Variants in XKR6 observed in about 807,000 individuals in gnomAD.
XKR6 encodes XK related 6.
Under a neutral mutation model 56.7 loss-of-function variants are expected in XKR6, and 22 were observed. That is an observed-to-expected ratio of 0.39 (90% CI 0.28 to 0.55). XKR6 has a LOEUF of 0.55. XKR6 is among the 20% of genes least tolerant of loss of function. The probability of loss-of-function intolerance (pLI) is 0.66; values close to 1 mark genes in which losing one functional copy is unlikely to be tolerated. For missense variants in XKR6, 852 were observed against 889.0 expected (o/e 0.96, Z 0.53); for synonymous variants, 524 against 387.8 (o/e 1.35, Z -4.13).
In XKR6 at chr8:10,924,712, T is replaced by C. The variant is rs2129117213; in HGVS notation, c.883A>G (p.Thr295Ala). The part of the protein sequence containing the change: ...ADVNMLRLLE[T>A]FLESAPQLVL... ...AGTTGGGGCGCGCTCTCCAGGAAGG[T>C]CTCCAGGAGGCGCAGCATGTTGACG... is the stretch of plus-strand genomic sequence containing the variant. Residue 295 changes from threonine to alanine, a missense_variant, in exon 2 of 3, where the codon ACC (threonine) becomes GCC (alanine). Coordinates refer to ENST00000416569, the MANE Select transcript of XKR6 (RefSeq NM_173683.4). The C allele has an allele frequency of 3.1e-6, 5 of 1,613,530 alleles. No individual in the cohort carries two copies. The highest frequency in any genetic ancestry group is 4.2e-6 in the Non-Finnish European group (5 of 1,179,960).
chr8:10,970,060 G>A (rs942086888), intron 1 of XKR6, among the ~76,000 whole-genome samples: 1 of 152,238 alleles, frequency 6.6e-6, no homozygotes, highest in Non-Finnish European at 1.5e-5. Context: ...TGGCACTTGT[G>A]AACGATTTCA....
chr8:11,053,139 C>T (rs1336378502), intron 1 of XKR6, among the ~76,000 whole-genome samples: 5 of 152,202 alleles, frequency 3.3e-5, no homozygotes, highest in Non-Finnish European at 7.3e-5. Context: ...GCAGACACTG[C>T]GCAGGAGCAG....
At chr8:11,171,821 G>A (rs1382209416) in intron 1 of XKR6, among the ~76,000 whole-genome samples, 1 of 152,102 alleles carries the variant, frequency 6.6e-6, no homozygotes, top group Non-Finnish European at 1.5e-5. Context: ...GGGAGGCTGA[G>A]GTGGGCTGAC....
At chr8:11,117,769 T>G (rs529681971) in intron 1 of XKR6, among the ~76,000 whole-genome samples, 1 of 151,718 alleles carries the variant, frequency 6.6e-6, no homozygotes, top group Non-Finnish European at 1.5e-5. Flanking sequence ...TGAGAAAAAA[T>G]TCTAGTAAAT....
chr8:10,903,272 C>G (rs763435556), intron 2 of XKR6, among the ~76,000 whole-genome samples: 41 of 152,304 alleles, frequency 2.7e-4, no homozygotes, highest in Admixed American at 1.2e-3. Flanking sequence ...ACAGGACTGT[C>G]GCTGCAATTC....
At chr8:10,914,221 C>T (rs929772675) in intron 2 of XKR6, among the ~76,000 whole-genome samples, 7 of 152,142 alleles carry the variant, frequency 4.6e-5, no homozygotes, top group South Asian at 2.1e-4. Context: ...CCATGCTTCC[C>T]GGTCTTAGCA....
intron 1 of XKR6, among the ~76,000 whole-genome samples, chr8:11,095,178 T>G (rs1417136634): frequency 1.3e-5 from 2 of 152,224 alleles, no homozygotes; most frequent in Admixed American, 6.5e-5. Context: ...CGTTCAAGTT[T>G]GTGCAAATAC....
intron 1 of XKR6, chr8:11,128,955 C>CT (rs1464894840): frequency 1.1e-5 from 5 of 456,638 alleles, no homozygotes; most frequent in East Asian, 1.4e-4. Context: ...GCCAGAAAGT[C>CT]TTTTTTTCAA....
intron 1 of XKR6, among the ~76,000 whole-genome samples, chr8:11,072,215 A>G (rs4840536): frequency 0.032 from 3,013 of 93,292 alleles, 130 homozygotes; most frequent in Middle Eastern, 0.097. Flanking sequence ...TGCTGGAGAG[A>G]CAGCAGGGCT....
At chr8:10,997,159 T>C (rs2129141981) in intron 1 of XKR6, among the ~76,000 whole-genome samples, 1 of 152,240 alleles carries the variant, frequency 6.6e-6, no homozygotes, top group African/African-American at 2.4e-5. Context: ...TCGTAGCTTT[T>C]ATGTATGCTT....
chr8:11,134,949 T>G (rs1008305247), intron 1 of XKR6, among the ~76,000 whole-genome samples: 1 of 152,116 alleles, frequency 6.6e-6, no homozygotes, highest in African/African-American at 2.4e-5. Context: ...TATACTCTGC[T>G]GAAGTAAAAA....
At chr8:11,107,415 C>G (rs1030695378) in intron 1 of XKR6, among the ~76,000 whole-genome samples, 2 of 152,006 alleles carry the variant, frequency 1.3e-5, no homozygotes, top group Non-Finnish European at 2.9e-5. Context: ...TAACTCCTGG[C>G]CTTGGGCAGT....
intron 1 of XKR6, among the ~76,000 whole-genome samples, chr8:10,945,510 C>A (rs1366626364): frequency 6.6e-6 from 1 of 152,134 alleles, no homozygotes; most frequent in African/African-American, 2.4e-5. Context: ...AATGAAAAGA[C>A]CAAAATGCCT....
intron 1 of XKR6, among the ~76,000 whole-genome samples, chr8:11,103,909 G>A (rs573909873): frequency 1.3e-5 from 2 of 152,214 alleles, no homozygotes; most frequent in Non-Finnish European, 2.9e-5. Flanking sequence ...GCAAAGTAAT[G>A]CCTTCCACTG....
chr8:10,993,091 C>T (rs952569761), intron 1 of XKR6, among the ~76,000 whole-genome samples: 2 of 152,214 alleles, frequency 1.3e-5, no homozygotes, highest in Non-Finnish European at 2.9e-5. Context: ...TGTGTATCTA[C>T]ATTTATATAA....
chr8:11,079,272 G>A (rs1447183415), intron 1 of XKR6, among the ~76,000 whole-genome samples: 1 of 152,226 alleles, frequency 6.6e-6, no homozygotes, highest in East Asian at 1.9e-4. Context: ...AATGAGAGAT[G>A]ACCTAACTGT....
intron 1 of XKR6, among the ~76,000 whole-genome samples, chr8:10,927,286 T>C (rs2129118268): frequency 6.6e-6 from 1 of 152,204 alleles, no homozygotes; most frequent in Admixed American, 6.5e-5. Flanking sequence ...TTGGCACCCA[T>C]GTCTAGGAGA....
Position 11,108,753 on chromosome 8 carries a change from C to T in XKR6, c.764+91823G>A, listed in dbSNP as rs888095024. 3 of 181,042 alleles carry T rather than the reference C, an allele frequency of 1.7e-5. No homozygotes were observed. The Admixed American group carries it at 1.9e-4, about 11-fold the overall frequency. 11.2% of individuals were successfully genotyped at this position (181,042 alleles called of 1,614,324 possible). Reference sequence around the variant, plus strand: ...CCACAGATGGGCGCGAGAACAGAGTCAGATCACCGGCCAAGGTAAAATGAA... The same window carrying T: ...CCACAGATGGGCGCGAGAACAGAGTTAGATCACCGGCCAAGGTAAAATGAA... On this transcript the variant is annotated intron_variant, in intron 1 of 2. Transcript: ENST00000416569.
chr8:10,974,970 T>C (rs1306365127), intron 1 of XKR6, among the ~76,000 whole-genome samples: 1 of 152,232 alleles, frequency 6.6e-6, no homozygotes, highest in Non-Finnish European at 1.5e-5. Flanking sequence ...ATAAATCTCA[T>C]GTGATGTATA....
Sources: allele counts gnomAD v4.1 joint callset (sites outside exome capture counted in the v4.1 genomes callset), GRCh38; gene constraint gnomAD v4.1.1; transcripts MANE v1.5; gene names NCBI Gene and HGNC (gene_info 2026-07-23, HGNC 2026-07-21).